The following PITPNC1 variants were observed in gnomAD, a reference collection of about 807,000 sequenced individuals.
The protein encoded by PITPNC1 is phosphatidylinositol transfer protein cytoplasmic 1.
Under a neutral mutation model 44.7 loss-of-function variants are expected in PITPNC1, and 18 were observed. The ratio of observed to expected loss-of-function variants is 0.40; its 90% CI spans 0.28 to 0.60. The LOEUF is 0.60. PITPNC1 is among the 20% of genes least tolerant of loss of function. PITPNC1 has a pLI of 0.39. For synonymous variants in PITPNC1, 141 were observed against 149.6 expected, an observed-to-expected ratio of 0.94 and a Z score of 0.42; for missense variants, 290 against 418.4, an observed-to-expected ratio of 0.69 and a Z score of 2.68.
chr17:67,409,296 G>A (rs1479497481), intron 1 of PITPNC1, among the ~76,000 whole-genome samples: 1 of 150,962 alleles, frequency 6.6e-6, no homozygotes, highest in Non-Finnish European at 1.5e-5. Context: ...TTGTTAGCCA[G>A]GATGGTCTCG....
intron 5 of PITPNC1, among the ~76,000 whole-genome samples, chr17:67,596,385 G>T (rs908051270): frequency 6.6e-6 from 1 of 152,044 alleles, no homozygotes. Flanking sequence ...AGAAAAAAAA[G>T]TATTGCTTTA....
intron 6 of PITPNC1, among the ~76,000 whole-genome samples, chr17:67,640,254 G>A (rs1567754198): frequency 2.6e-5 from 4 of 152,164 alleles, no homozygotes; most frequent in African/African-American, 7.2e-5. Context: ...CCTGGTGGGA[G>A]CCTCTAAAAC....
intron 6 of PITPNC1, among the ~76,000 whole-genome samples, chr17:67,636,491 C>T (rs2042034775): frequency 1.3e-5 from 2 of 152,132 alleles, no homozygotes; most frequent in Admixed American, 6.5e-5. Flanking sequence ...GAGCCCTGCA[C>T]ATTCATCATC....
chr17:67,499,524 G>A (rs12942910), intron 1 of PITPNC1, among the ~76,000 whole-genome samples: 108,975 of 152,184 alleles, frequency 0.72, 39,079 homozygotes, highest in South Asian at 0.78. Context: ...GCCAGCCTGA[G>A]GAATCTTAGG....
At chr17:67,417,533 C>G (rs1168751853) in intron 1 of PITPNC1, among the ~76,000 whole-genome samples, 1 of 152,164 alleles carries the variant, frequency 6.6e-6, no homozygotes, top group Non-Finnish European at 1.5e-5. Context: ...GCCAGCCTCC[C>G]TGAGTCTTCT....
chr17:67,615,855 G>C (rs1253959800), intron 5 of PITPNC1, among the ~76,000 whole-genome samples: 2 of 152,138 alleles, frequency 1.3e-5, no homozygotes, highest in African/African-American at 4.8e-5. Context: ...CGTCGCTGGT[G>C]CCAGTGTCTA....
intron 1 of PITPNC1, among the ~76,000 whole-genome samples, chr17:67,479,571 ACTTT>A (rs2039676643): frequency 6.6e-6 from 1 of 152,204 alleles, no homozygotes. Context: ...AATTAGTAAG[ACTTT>A]CTTTCTCATA....
At chr17:67,394,427 A>G (rs1388585077) in intron 1 of PITPNC1, among the ~76,000 whole-genome samples, 1 of 152,188 alleles carries the variant, frequency 6.6e-6, no homozygotes, top group Non-Finnish European at 1.5e-5. Context: ...CTCAGATTGG[A>G]TTGAAACTCT....
intron 7 of PITPNC1, among the ~76,000 whole-genome samples, chr17:67,673,924 G>C (rs375693524): frequency 1.4e-4 from 20 of 142,326 alleles, no homozygotes; most frequent in African/African-American, 5.1e-4. Context: ...CCGAGATGGC[G>C]CCACTGCACT....
chr17:67,480,257 A>G (rs2039684579), intron 1 of PITPNC1, among the ~76,000 whole-genome samples: 1 of 152,214 alleles, frequency 6.6e-6, no homozygotes, highest in South Asian at 2.1e-4. Flanking sequence ...GTAATTAATG[A>G]ATGTAGGCTT....
intron 1 of PITPNC1, among the ~76,000 whole-genome samples, chr17:67,416,179 C>A (rs1202685407): frequency 7.2e-6 from 1 of 139,668 alleles, no homozygotes; most frequent in Non-Finnish European, 1.6e-5. Flanking sequence ...ATTTAAATCT[C>A]CCTTTCCTTG....
intron 8 of PITPNC1, among the ~76,000 whole-genome samples, chr17:67,683,572 T>C (rs995942971): frequency 1.3e-5 from 2 of 152,202 alleles, no homozygotes; most frequent in African/African-American, 4.8e-5. Flanking sequence ...ATTATCACCA[T>C]CTTTTAGAGA....
At chr17:67,573,535 G>T (rs1424793028) in intron 4 of PITPNC1, among the ~76,000 whole-genome samples, 2 of 150,438 alleles carry the variant, frequency 1.3e-5, no homozygotes, top group Admixed American at 1.3e-4. Flanking sequence ...GTAGAGACAG[G>T]AAGCACTGAA....
chr17:67,668,878 G>A (rs1169334755), intron 6 of PITPNC1, among the ~76,000 whole-genome samples: 1 of 151,682 alleles, frequency 6.6e-6, no homozygotes, highest in Non-Finnish European at 1.5e-5. Flanking sequence ...AAGAAAGAAA[G>A]AAAAAAAGAG....
chr17:67,601,600 A>T (rs1017737401), intron 5 of PITPNC1, among the ~76,000 whole-genome samples: 2 of 152,040 alleles, frequency 1.3e-5, no homozygotes, highest in South Asian at 2.1e-4. Flanking sequence ...AAAAAAAATT[A>T]AAAAATTTGG....
chr17:67,391,682 G>C (rs1397236255), intron 1 of PITPNC1, among the ~76,000 whole-genome samples: 2 of 151,930 alleles, frequency 1.3e-5, no homozygotes, highest in African/African-American at 4.8e-5. Context: ...GGTTTCACCA[G>C]GTTGGCCAGG....
intron 1 of PITPNC1, among the ~76,000 whole-genome samples, chr17:67,506,665 C>T (rs879548310): frequency 1.3e-5 from 2 of 151,994 alleles, no homozygotes; most frequent in East Asian, 1.9e-4. Context: ...CGATGTACTG[C>T]GGGTAAACAA....
In PITPNC1 at chr17:67,647,464, G is replaced by GTTTTTTTTT. The variant is rs60407940; in HGVS notation, c.462+15247_462+15255dup. Among the ~76,000 whole-genome samples, 47 of 72,354 alleles carry GTTTTTTTTT rather than the reference G, an allele frequency of 6.5e-4. 2 individuals carry two copies. The highest frequency in any genetic ancestry group is 1.8e-3 in the African/African-American group (41 of 22,268). The allele number at this position is 72,354 out of a possible 152,430, so 47.5% of individuals were successfully genotyped here. The stretch of plus-strand genomic sequence containing the variant: ...CACCATCACACCCAGCTAATTTTGG[G>GTTTTTTTTT]TTTTTTTTTTTTTTTTTTTTTTTTT... On this transcript the variant is annotated intron_variant, in intron 6 of 8. Transcript: ENST00000581322.
At chr17:67,537,897 G>A (rs761248607) in intron 2 of PITPNC1, among the ~76,000 whole-genome samples, 12 of 151,608 alleles carry the variant, frequency 7.9e-5, no homozygotes, top group South Asian at 2.1e-4. Flanking sequence ...ACTTGAACCC[G>A]CTAGGTGGTG....
Sources: gnomAD v4.1 joint callset for allele counts (sites outside exome capture counted in the v4.1 genomes callset) on GRCh38, gnomAD v4.1.1 for gene constraint, MANE v1.5 for transcripts, NCBI Gene and HGNC (gene_info 2026-07-23, HGNC 2026-07-21) for gene names.